GNA14: variants seen among roughly 807,000 people sequenced by gnomAD.
GNA14 encodes G protein subunit alpha 14, also known as guanine nucleotide-binding protein subunit alpha-14.
A neutral mutation model predicts 42.0 loss-of-function variants in GNA14; 50 were observed. That is an observed-to-expected ratio of 1.19 (90% CI 0.95 to 1.51). The LOEUF is 1.51. GNA14 is among the 40% of genes most tolerant of loss of function. The pLI, the probability that GNA14 is intolerant of heterozygous loss-of-function variation, is 0.00. For synonymous variants in GNA14, 173 were observed against 163.1 expected (o/e 1.06, Z -0.46); for missense variants, 473 against 446.2 (o/e 1.06, Z -0.54).
rs897435968 is a variant in GNA14 at position 77,425,624 on chromosome 9, T to A, written c.815A>T (p.Lys272Met). Residue 272 changes from lysine (K) to methionine (M), a missense_variant, in exon 6 of 7, where the codon AAG (lysine) becomes ATG (methionine). Physicochemically the swap from Lys to Met is moderately conservative, Grantham distance 95 (BLOSUM62 -1). Transcript: ENST00000341700. The stretch of plus-strand genomic sequence containing the variant: ...CATGATTTTCTCTTCCAAAAGATCC[T>A]TCTTGTTCAAGAATAAAATCACAGA... ...NSSVILFLNK[K>M]DLLEEKIMYS... is the part of the protein sequence containing the mutation. 1.9e-6 allele frequency: 3 copies of A among 1,608,616 alleles called. No individual in the cohort carries two copies. In the African/African-American group the frequency reaches 4.0e-5, roughly 22 times the overall value.
chr9:77,534,269 C>G (rs1423153563), intron 1 of GNA14, among the ~76,000 whole-genome samples: 1 of 152,178 alleles, frequency 6.6e-6, no homozygotes, highest in South Asian at 2.1e-4. Flanking sequence ...AAAGGAGATT[C>G]CTCCACTCTT....
intron 1 of GNA14, among the ~76,000 whole-genome samples, chr9:77,628,896 A>G (rs1824053738): frequency 6.6e-6 from 1 of 152,228 alleles, no homozygotes. Context: ...ATGGGATCAA[A>G]TTAAACTAAA....
intron 1 of GNA14, among the ~76,000 whole-genome samples, chr9:77,579,440 T>C (rs191843859): frequency 6.1e-4 from 93 of 152,222 alleles, no homozygotes; most frequent in Non-Finnish European, 1.2e-3. Flanking sequence ...TGATACTGGT[T>C]CTGGTTTCAT....
At chr9:77,498,667 A>G (rs146260885) in intron 2 of GNA14, among the ~76,000 whole-genome samples, 181 of 152,262 alleles carry the variant, frequency 1.2e-3, no homozygotes, top group African/African-American at 4.0e-3. Flanking sequence ...GGCTCTTGAG[A>G]GAACGCCATC....
At chr9:77,550,466 T>C (rs1299680535) in intron 1 of GNA14, among the ~76,000 whole-genome samples, 2 of 152,190 alleles carry the variant, frequency 1.3e-5, no homozygotes, top group African/African-American at 4.8e-5. Flanking sequence ...GTTAGCCAGT[T>C]TCTGGAGCAG....
chr9:77,492,420 A>G (rs1211027252), intron 2 of GNA14, among the ~76,000 whole-genome samples: 1 of 151,962 alleles, frequency 6.6e-6, no homozygotes, highest in East Asian at 1.9e-4. Context: ...CTTTAGCAAG[A>G]TTAAGAAAAA....
At chr9:77,558,944 A>C (rs948764487) in intron 1 of GNA14, among the ~76,000 whole-genome samples, 14 of 151,978 alleles carry the variant, frequency 9.2e-5, no homozygotes, top group East Asian at 1.9e-4. Context: ...AAAAAAACAA[A>C]AAACAAACAA....
intron 2 of GNA14, among the ~76,000 whole-genome samples, chr9:77,526,236 A>G (rs1343339495): frequency 6.6e-6 from 1 of 151,842 alleles, no homozygotes; most frequent in African/African-American, 2.4e-5. Flanking sequence ...TTGAGTTGAT[A>G]TTTGGATTAG....
intron 1 of GNA14, among the ~76,000 whole-genome samples, chr9:77,541,318 T>A (rs999852472): frequency 2.6e-5 from 4 of 152,212 alleles, no homozygotes; most frequent in Non-Finnish European, 5.9e-5. Context: ...TATAGTATCC[T>A]TGGGTGCAAC....
chr9:77,488,883 T>C (rs1173185231), intron 2 of GNA14, among the ~76,000 whole-genome samples: 1 of 141,840 alleles, frequency 7.1e-6, no homozygotes. Flanking sequence ...ATACATCACA[T>C]GAAACAACAG....
At position 77,529,116 on chromosome 9, in the gene GNA14, T is replaced by C. The variant is rs1837487196; in HGVS notation, c.262A>G (p.Arg88Gly). 4 of 1,614,226 alleles carry C rather than the reference T, an allele frequency of 2.5e-6. No individual in the cohort carries two copies. Among genetic ancestry groups the C allele is most frequent in the Non-Finnish European group, 3.4e-6 (4 of 1,180,026 alleles). Residue 88 changes from arginine to glycine, a missense_variant, in exon 2 of 7, where the codon AGA becomes GGA. Coordinates refer to ENST00000341700, the MANE Select transcript of GNA14 (RefSeq NM_004297.4). ...NIFTAMQAMI[R>G]AMDTLRIQYV... ...TGTATCCTTAGCGTGTCCATCGCTCTGATCATGGCTTGCATGGCGGTGAAT... is the reference window on the plus strand; with the variant it reads ...TGTATCCTTAGCGTGTCCATCGCTCCGATCATGGCTTGCATGGCGGTGAAT...
intron 2 of GNA14, among the ~76,000 whole-genome samples, chr9:77,436,975 CTCTCAGAG>C (rs1835647449): frequency 6.6e-6 from 1 of 152,186 alleles, no homozygotes; most frequent in African/African-American, 2.4e-5. Flanking sequence ...TCAGGGCCTC[CTCTCAGAG>C]GAGGAGATGC....
rs141448772 is a variant in GNA14, at chr9:77,603,174, A to G, written c.124+44496T>C. On this transcript the variant is annotated intron_variant, in intron 1 of 6. Transcript: ENST00000341700. ...TCTTCTTTCATGAACAATTATGTTT[A>G]TATTAAAACCAGAGATCATCTCCTA... 1.6e-4 allele frequency among the ~76,000 whole-genome samples: 24 copies of G among 152,290 alleles called. No individual in the cohort carries two copies. The East Asian group carries it at 4.4e-3, about 28-fold the overall frequency.
chr9:77,498,276 G>A (rs952873912), intron 2 of GNA14, among the ~76,000 whole-genome samples: 1 of 151,488 alleles, frequency 6.6e-6, no homozygotes, highest in African/African-American at 2.4e-5. Flanking sequence ...GGGAGGCTGA[G>A]GTGGGAGAAT....
chr9:77,606,752 T>G (rs1303306616), intron 1 of GNA14, among the ~76,000 whole-genome samples: 2 of 152,170 alleles, frequency 1.3e-5, no homozygotes, highest in African/African-American at 2.4e-5. Flanking sequence ...TTAAGCTCTC[T>G]GTTATGAGCG....
intron 2 of GNA14, among the ~76,000 whole-genome samples, chr9:77,523,063 G>C (rs1357454216): frequency 6.6e-6 from 1 of 152,180 alleles, no homozygotes; most frequent in Non-Finnish European, 1.5e-5. Flanking sequence ...AATGCTTTCT[G>C]AAGACAAATC....
intron 2 of GNA14, among the ~76,000 whole-genome samples, chr9:77,489,563 G>A (rs986087886): frequency 2.6e-5 from 4 of 152,170 alleles, no homozygotes; most frequent in Admixed American, 6.5e-5. Flanking sequence ...GCGGACCCTC[G>A]TGGTGAGTGT....
chr9:77,542,227 GATATATAT>G (rs565327872), intron 1 of GNA14, among the ~76,000 whole-genome samples: 1 of 151,816 alleles, frequency 6.6e-6, no homozygotes, highest in Non-Finnish European at 1.5e-5. Context: ...TTTGTGACGA[GATATATAT>G]ATATGGCACT....
At chr9:77,514,223 G>C (rs1587810346) in intron 2 of GNA14, among the ~76,000 whole-genome samples, 1 of 152,068 alleles carries the variant, frequency 6.6e-6, no homozygotes, top group Admixed American at 6.5e-5. Context: ...GTGGACCCCT[G>C]TTGCTTTTTG....
Sources: gnomAD v4.1 joint callset for allele counts (sites outside exome capture counted in the v4.1 genomes callset) on GRCh38, gnomAD v4.1.1 for gene constraint, MANE v1.5 for transcripts, NCBI Gene and HGNC (gene_info 2026-07-23, HGNC 2026-07-21) for gene names.